Variants in SUPT3H observed in about 807,000 individuals in gnomAD.
SUPT3H encodes the protein transcription initiation protein SPT3 homolog.
SUPT3H carries 44 observed loss-of-function variants against 44.3 expected under a neutral mutation model. The ratio of observed to expected loss-of-function variants is 0.99; its 90% CI spans 0.78 to 1.28. The LOEUF (loss-of-function observed/expected upper bound fraction) is 1.28, where lower values mean the gene tolerates loss of function less well. SUPT3H is among the 50% of genes most tolerant of loss of function. The pLI is 0.00. For synonymous variants in SUPT3H, 124 were observed against 125.6 expected (o/e 0.99, Z 0.09); for missense variants, 380 against 387.1 (o/e 0.98, Z 0.15).
intron 10 of SUPT3H, among the ~76,000 whole-genome samples, chr6:44,926,715 A>G (rs1462683864): frequency 6.6e-6 from 1 of 152,176 alleles, no homozygotes; most frequent in Non-Finnish European, 1.5e-5. Flanking sequence ...TCTCATCTAT[A>G]AATTAACAAT....
chr6:44,961,761 A>C lies in SUPT3H; in HGVS notation c.572T>G (p.Leu191Ter), dbSNP rs766441650. 2 of 1,607,478 alleles carry C rather than the reference A, an allele frequency of 1.2e-6. No homozygotes were observed. The highest frequency in any genetic ancestry group is 1.1e-5 in the South Asian group (1 of 89,246). Residue 191 changes from leucine to a stop codon, truncating the protein, a stop_gained, in exon 7 of 11, where the codon TTA (leucine) becomes TGA (stop). Transcript: ENST00000371459. LOFTEE classifies it high-confidence loss of function. ...QYAEFCESRQ[L>*]SFSKKASKFR... Reference sequence around the variant, plus strand: ...GTTAAATAGTTACTTACAGAAACTTAATTGTCGACTTTCACAGAATTCTGC... The same window carrying C: ...GTTAAATAGTTACTTACAGAAACTTCATTGTCGACTTTCACAGAATTCTGC...
chr6:45,071,553 T>C (rs7349918), intron 3 of SUPT3H, among the ~76,000 whole-genome samples: 3,103 of 152,236 alleles, frequency 0.02, 44 homozygotes, highest in Non-Finnish European at 0.032. Flanking sequence ...TAAGATATTA[T>C]ATGTTCACAT....
At chr6:45,182,222 G>T (rs1355013377) in intron 2 of SUPT3H, among the ~76,000 whole-genome samples, 1 of 152,142 alleles carries the variant, frequency 6.6e-6, no homozygotes, top group Non-Finnish European at 1.5e-5. Context: ...AGAGCTTATA[G>T]AGAAATAGCT....
At chr6:44,982,013 CCTG>C (rs1733522828) in intron 6 of SUPT3H, among the ~76,000 whole-genome samples, 1 of 152,076 alleles carries the variant, frequency 6.6e-6, no homozygotes, top group African/African-American at 2.4e-5. Flanking sequence ...TGTGCTCCAG[CCTG>C]GTCAACAGAG....
chr6:45,265,506 T>C (rs530540883), intron 2 of SUPT3H, among the ~76,000 whole-genome samples: 11 of 152,216 alleles, frequency 7.2e-5, no homozygotes, highest in African/African-American at 2.6e-4. Flanking sequence ...TCCTGGGATA[T>C]ACATCTTAGC....
chr6:45,367,176 A>C (rs1323036871), intron 1 of SUPT3H, among the ~76,000 whole-genome samples: 1 of 152,140 alleles, frequency 6.6e-6, no homozygotes, highest in Non-Finnish European at 1.5e-5. Context: ...TAGGTTTGGA[A>C]TATCCCAATA....
At chr6:45,032,936 ACT>A (rs1787160958) in intron 3 of SUPT3H, among the ~76,000 whole-genome samples, 1 of 152,114 alleles carries the variant, frequency 6.6e-6, no homozygotes, top group African/African-American at 2.4e-5. Context: ...GCCTCTGAAG[ACT>A]CTGAGTTGTA....
chr6:44,830,150 T>C (rs1401732924), intron 10 of SUPT3H, among the ~76,000 whole-genome samples: 1 of 152,200 alleles, frequency 6.6e-6, no homozygotes, highest in South Asian at 2.1e-4. Flanking sequence ...AAGAGATGTA[T>C]TGAATCTGTT....
intron 10 of SUPT3H, among the ~76,000 whole-genome samples, chr6:44,876,420 G>A (rs1466514152): frequency 1.7e-5 from 2 of 116,676 alleles, no homozygotes; most frequent in African/African-American, 3.2e-5. Context: ...ACCAAACACC[G>A]CATATTCTCA....
At chr6:45,148,024 G>A (rs373995757) in intron 2 of SUPT3H, among the ~76,000 whole-genome samples, 1 of 152,076 alleles carries the variant, frequency 6.6e-6, no homozygotes, top group Non-Finnish European at 1.5e-5. Flanking sequence ...CACAGGTAAA[G>A]CAAAGCATCA....
At chr6:44,963,031 T>C (rs1163972602) in intron 6 of SUPT3H, among the ~76,000 whole-genome samples, 2 of 151,702 alleles carry the variant, frequency 1.3e-5, no homozygotes, top group African/African-American at 2.4e-5. Context: ...ACAAACATTT[T>C]ATATATATAC....
At chr6:44,929,231 A>C (rs1015229358) in intron 10 of SUPT3H, among the ~76,000 whole-genome samples, 1 of 152,164 alleles carries the variant, frequency 6.6e-6, no homozygotes, top group African/African-American at 2.4e-5. Flanking sequence ...ATATTCCTGA[A>C]ATTGATCATG....
intron 2 of SUPT3H, among the ~76,000 whole-genome samples, chr6:45,236,441 T>G (rs377421247): frequency 2.2e-4 from 33 of 152,172 alleles, no homozygotes; most frequent in East Asian, 7.7e-4. Context: ...ACACTGATGA[T>G]GAGGAGGAAG....
intron 2 of SUPT3H, among the ~76,000 whole-genome samples, chr6:45,275,806 T>TA (rs1443267623): frequency 1.3e-5 from 2 of 152,102 alleles, no homozygotes; most frequent in Non-Finnish European, 2.9e-5. Context: ...TATTTAAAAA[T>TA]AAAAAGGTTT....
chr6:44,887,174 C>T (rs1388158905), intron 10 of SUPT3H, among the ~76,000 whole-genome samples: 2 of 152,118 alleles, frequency 1.3e-5, no homozygotes, highest in African/African-American at 2.4e-5. Context: ...TAATGGGAGA[C>T]TTTAACACCC....
intron 5 of SUPT3H, among the ~76,000 whole-genome samples, chr6:45,005,186 T>G (rs1020324706): frequency 6.6e-6 from 1 of 152,186 alleles, no homozygotes; most frequent in African/African-American, 2.4e-5. Flanking sequence ...GCCTAATAAA[T>G]GTAAAGTGAT....
intron 9 of SUPT3H, among the ~76,000 whole-genome samples, chr6:44,940,638 G>A (rs1015319218): frequency 6.6e-6 from 1 of 152,118 alleles, no homozygotes; most frequent in Admixed American, 6.6e-5. Context: ...GGGTGTTGAA[G>A]TTGTCCATTA....
intron 6 of SUPT3H, among the ~76,000 whole-genome samples, chr6:44,981,718 CTTT>C: frequency 6.6e-6 from 1 of 152,208 alleles, no homozygotes; most frequent in African/African-American, 2.4e-5. Flanking sequence ...GTTCTCTCTT[CTTT>C]AATATAGCTC....
rs1323235607 is a variant in SUPT3H at position 44,913,914 on chromosome 6, C to G, written c.912+18739G>C. On this transcript the variant is annotated intron_variant, in intron 10 of 10. Transcript: ENST00000371459. ...CATGTGTAACTTGTGATTTTCATAA[C>G]AAATGTTTATCAACTATCAACTTGA... Among the ~76,000 whole-genome samples, 3 of 152,236 alleles carry G rather than the reference C, an allele frequency of 2.0e-5. No homozygotes were observed. In the East Asian group the frequency reaches 5.8e-4, roughly 29 times the overall value.
Sources: allele counts gnomAD v4.1 joint callset (sites outside exome capture counted in the v4.1 genomes callset), GRCh38; gene constraint gnomAD v4.1.1; transcripts MANE v1.5; gene names NCBI Gene and HGNC (gene_info 2026-07-23, HGNC 2026-07-21).